SYNJ2: variants seen among roughly 807,000 people sequenced by gnomAD.
The protein encoded by SYNJ2 is polyphosphatidylinositol phosphatase SYNJ2.
In SYNJ2, 116 loss-of-function variants were observed where a neutral mutation model predicts 141.3. The observed-to-expected ratio is 0.82, with a 90% confidence interval of 0.71 to 0.96. SYNJ2 has a LOEUF of 0.96. SYNJ2 is among the 40% of genes least tolerant of loss of function. The pLI, the probability that SYNJ2 is intolerant of heterozygous loss-of-function variation, is 0.00. For missense variants in SYNJ2, 1,873 were observed against 1,934.8 expected, an observed-to-expected ratio of 0.97 and a Z score of 0.60; for synonymous variants, 745 against 777.7, an observed-to-expected ratio of 0.96 and a Z score of 0.70.
chr6:158,031,788 G>C (rs957990430), intron 3 of SYNJ2, among the ~76,000 whole-genome samples: 2 of 152,266 alleles, frequency 1.3e-5, no homozygotes, highest in African/African-American at 4.8e-5. Context: ...CTCTTTGGGG[G>C]TCCTGGATAT....
rs1431160440 is a variant in SYNJ2 at position 157,982,110 on chromosome 6, C to T, written c.127+22C>T. The T allele has an allele frequency of 7.7e-7, 1 of 1,298,840 alleles. No homozygotes were observed. Among genetic ancestry groups the T allele is most frequent in the Non-Finnish European group, 9.8e-7 (1 of 1,023,370 alleles). 80.5% of individuals were successfully genotyped at this position (1,298,840 alleles called of 1,614,324 possible). A position where few individuals can be genotyped will look rare whatever the true frequency, so the allele number is the denominator to read the frequency against. On this transcript the variant is annotated intron_variant, in intron 1 of 26. Coordinates refer to ENST00000355585, the MANE Select transcript of SYNJ2 (RefSeq NM_003898.4). The surrounding 1 kb of genome is among the most constrained non-coding windows in gnomAD (Gnocchi z 4.0). ...CTGGGTGAGTCCGGGCCGGGGGCAG[C>T]GACGCCCGGAGGAGAGGGCGCCCGC...
Position 157,981,870 on chromosome 6 carries a change from T to C in SYNJ2, c.-92T>C, listed in dbSNP as rs901179658. On this transcript the variant is annotated 5_prime_UTR_variant, in exon 1 of 27. Transcript: ENST00000355585. The surrounding 1 kb of genome is among the most constrained non-coding windows in gnomAD (Gnocchi z 6.4). ...GGAGCGGCGGCGCAAAGTGAAACTCTGGCAAGTTGCGGGCGCGCGGGGAGC... is the reference window on the plus strand; with the variant it reads ...GGAGCGGCGGCGCAAAGTGAAACTCCGGCAAGTTGCGGGCGCGCGGGGAGC... The C allele has an allele frequency of 5.3e-6, 6 of 1,129,576 alleles. No homozygotes were observed. The highest frequency in any genetic ancestry group is 6.7e-6 in the Non-Finnish European group (6 of 898,070). The allele number at this position is 1,129,576 out of a possible 1,614,324, so 70.0% of individuals were successfully genotyped here.
chr6:158,065,731 T>C (rs1234684332), intron 11 of SYNJ2, among the ~76,000 whole-genome samples: 2 of 152,224 alleles, frequency 1.3e-5, no homozygotes, highest in East Asian at 1.9e-4. Context: ...TGGCTTCCGA[T>C]AGGCACGGTG....
intron 5 of SYNJ2, among the ~76,000 whole-genome samples, chr6:158,053,568 C>CG (rs1562361052): frequency 6.6e-6 from 1 of 151,954 alleles, no homozygotes; most frequent in Admixed American, 6.6e-5. Flanking sequence ...CCCATCCATT[C>CG]ATCCACTCAT....
chr6:158,017,906 A>T, intron 2 of SYNJ2: 1 of 410,898 alleles, frequency 2.4e-6, no homozygotes, highest in Non-Finnish European at 5.0e-6. Context: ...GCGAGGGCCT[A>T]AGTGTTTCGA....
Position 158,098,729 on chromosome 6 carries a change from T to C in SYNJ2, c.*2365T>C, listed in dbSNP as rs1004913181. On this transcript the variant is annotated 3_prime_UTR_variant, in exon 27 of 27. Coordinates refer to ENST00000355585, the MANE Select transcript of SYNJ2 (RefSeq NM_003898.4). ...TGATGCTACCATCCAGGGCTTCTTA[T>C]TGTGACCTTGTAGCCTATTTTGTTC... 1 of 152,244 alleles carries C rather than the reference T, an allele frequency of 6.6e-6. No individual in the cohort carries two copies. Among genetic ancestry groups the C allele is most frequent in the Non-Finnish European group, 1.5e-5 (1 of 68,044 alleles). 9.4% of individuals were successfully genotyped at this position (152,244 alleles called of 1,614,324 possible). A position where few individuals can be genotyped will look rare whatever the true frequency, so the allele number is the denominator to read the frequency against.
rs145274626 is a variant in SYNJ2 at position 158,095,731 on chromosome 6, T to C, written c.3858T>C (p.Val1286=). The change falls in exon 27 of 27, where the codon GTT becomes GTC. Residue 1286 remains valine, a synonymous_variant. Coordinates refer to ENST00000355585, the MANE Select transcript of SYNJ2 (RefSeq NM_003898.4). ...PVVTAPRVPP[V]PKPRTFQPGK... ...TGACAGCCCCTCGAGTCCCTCCTGT[T>C]CCCAAACCAAGAACATTTCAGCCTG... 9.5e-5 allele frequency: 154 copies of C among 1,613,810 alleles called. No homozygotes were observed. Among genetic ancestry groups the C allele is most frequent in the Non-Finnish European group, 1.2e-4 (139 of 1,179,980 alleles).
At chr6:158,003,158 T>C (rs1187114941) in intron 1 of SYNJ2, among the ~76,000 whole-genome samples, 2 of 152,214 alleles carry the variant, frequency 1.3e-5, no homozygotes, top group Non-Finnish European at 2.9e-5. Context: ...TGGGAGGTAG[T>C]GCATTTGCTG....
intron 20 of SYNJ2, among the ~76,000 whole-genome samples, chr6:158,082,036 G>A (rs554163869): frequency 5.9e-5 from 9 of 152,236 alleles, no homozygotes; most frequent in Admixed American, 5.2e-4. Flanking sequence ...CTCATGTCCG[G>A]CTCTAGCTAC....
chr6:157,996,945 ATTTC>A (rs1423323869), intron 1 of SYNJ2, among the ~76,000 whole-genome samples: 1 of 152,048 alleles, frequency 6.6e-6, no homozygotes, highest in African/African-American at 2.4e-5. Context: ...AGTCTCAGGC[ATTTC>A]TTTATAGCAG....
chr6:158,073,536 G>A (rs9459298), intron 15 of SYNJ2, among the ~76,000 whole-genome samples: 28,028 of 152,094 alleles, frequency 0.18, 2,903 homozygotes, highest in East Asian at 0.27. Context: ...CGTAGTCACT[G>A]GCCATAAGTA....
chr6:158,095,704 C>G lies in SYNJ2; in HGVS notation c.3831C>G (p.Val1277=), dbSNP rs965402462. Residue 1277 remains valine, a synonymous_variant, in exon 27 of 27, where the codon GTC becomes GTG. Coordinates refer to ENST00000355585, the MANE Select transcript of SYNJ2 (RefSeq NM_003898.4). ...PPETSVEAPP[V]VTAPRVPPVP... is the part of the protein sequence containing the mutation. ...AGACAAGCGTTGAGGCCCCTCCTGT[C>G]GTGACAGCCCCTCGAGTCCCTCCTG... The G allele has an allele frequency of 6.2e-7, 1 of 1,614,078 alleles. No homozygotes were observed. The highest frequency in any genetic ancestry group is 1.7e-5 in the Admixed American group (1 of 59,994).
At chr6:157,983,793 C>A (rs1370901395) in intron 1 of SYNJ2, among the ~76,000 whole-genome samples, 4 of 151,746 alleles carry the variant, frequency 2.6e-5, no homozygotes, top group Admixed American at 2.6e-4. Context: ...TGTCATTTAA[C>A]CTAGCATTCA....
chr6:158,092,111 TA>T lies in SYNJ2; in HGVS notation c.3566-802del, dbSNP rs35903216. Among the ~76,000 whole-genome samples the T allele has an allele frequency of 6.3e-4, 94 of 148,468 alleles. No homozygotes were observed. The South Asian group carries it at 8.7e-3, about 14-fold the overall frequency. On this transcript the variant is annotated intron_variant, in intron 25 of 26. Coordinates refer to ENST00000355585, the MANE Select transcript of SYNJ2 (RefSeq NM_003898.4). ...GTGAATTATGTCACAATAAAGCTGT[TA>T]AAAAAAAAAAAACTCTAGAGATGTA... is the stretch of plus-strand genomic sequence containing the variant.
At chr6:158,012,449 G>A (rs534580807) in intron 1 of SYNJ2, among the ~76,000 whole-genome samples, 1 of 152,284 alleles carries the variant, frequency 6.6e-6, no homozygotes, top group East Asian at 1.9e-4. Flanking sequence ...TCCGATTGCC[G>A]CGATTGCTGA....
At chr6:158,080,858 G>A (rs1473950318) in intron 18 of SYNJ2, among the ~76,000 whole-genome samples, 1 of 152,210 alleles carries the variant, frequency 6.6e-6, no homozygotes, top group Non-Finnish European at 1.5e-5. Context: ...AAATGCCAAG[G>A]TGATACTAAG....
At chr6:157,990,794 G>T (rs925090978) in intron 1 of SYNJ2, among the ~76,000 whole-genome samples, 3 of 152,202 alleles carry the variant, frequency 2.0e-5, no homozygotes, top group African/African-American at 7.2e-5. Context: ...TAACCCGGAA[G>T]AGGCAAATGA....
chr6:158,040,915 C>G lies in SYNJ2; in HGVS notation c.712-2401C>G, dbSNP rs1466840337. Among the ~76,000 whole-genome samples, 1 of 152,200 alleles carries G rather than the reference C, an allele frequency of 6.6e-6. No individual in the cohort carries two copies. The highest frequency in any genetic ancestry group is 1.5e-5 in the Non-Finnish European group (1 of 68,026). ...CCCACTGCTCTTCCCGGTCTCCCTCCCACCTCTTGTCTGTTCCTTCTTGAA... is the reference window on the plus strand; with the variant it reads ...CCCACTGCTCTTCCCGGTCTCCCTCGCACCTCTTGTCTGTTCCTTCTTGAA... On this transcript the variant is annotated intron_variant, in intron 4 of 26. Transcript: ENST00000355585. This position sits in a 1 kb window ranked among gnomAD's most constrained non-coding sequence, Gnocchi z 4.2.
chr6:158,083,607 C>T lies in SYNJ2; in HGVS notation c.3034+10C>T, dbSNP rs1782843250. The T allele has an allele frequency of 6.2e-7, 1 of 1,613,826 alleles. No homozygotes were observed. Among genetic ancestry groups the T allele is most frequent in the Non-Finnish European group, 8.5e-7 (1 of 1,179,982 alleles). The stretch of plus-strand genomic sequence containing the variant: ...GACTATGAGTCAGAAGGTTAGTGAC[C>T]CTGCAGGGAGGGACAGGCAAGCCGT... On this transcript the variant is annotated intron_variant, in intron 21 of 26. Coordinates refer to ENST00000355585, the MANE Select transcript of SYNJ2 (RefSeq NM_003898.4).
Sources: gnomAD v4.1 joint callset for allele counts (sites outside exome capture counted in the v4.1 genomes callset) on GRCh38, gnomAD v4.1.1 for gene constraint, Gnocchi (gnomAD v3.1) non-coding constraint, MANE v1.5 for transcripts, NCBI Gene and HGNC (gene_info 2026-07-23, HGNC 2026-07-21) for gene names.